Variants in ZNF248 observed in about 807,000 individuals in gnomAD.
ZNF248 encodes the protein zinc finger protein 248.
Under a neutral mutation model 44.3 loss-of-function variants are expected in ZNF248, and 20 were observed. The ratio of observed to expected loss-of-function variants is 0.45; its 90% CI spans 0.32 to 0.66. The LOEUF (loss-of-function observed/expected upper bound fraction) is 0.66. Among genes scored for constraint, ZNF248 ranks in the 30% least tolerant of loss-of-function variants. The probability of loss-of-function intolerance (pLI) is 0.04; values close to 1 mark genes in which losing one functional copy is unlikely to be tolerated. For missense variants in ZNF248, 654 were observed against 677.0 expected (o/e 0.97, Z 0.38); for synonymous variants, 224 against 229.0 (o/e 0.98, Z 0.20).
chr10:37,836,279 G>A (rs2057144148), intron 5 of ZNF248, among the ~76,000 whole-genome samples: 1 of 152,110 alleles, frequency 6.6e-6, no homozygotes. Context: ...ATAGATGTCA[G>A]AGAGATCCTT....
At chr10:37,808,449 A>AT (rs1045609293) in intron 6 of ZNF248, among the ~76,000 whole-genome samples, 14 of 151,456 alleles carry the variant, frequency 9.2e-5, no homozygotes, top group African/African-American at 1.9e-4. Context: ...CACCTGGTTG[A>AT]TTTTTTTTAA....
chr10:37,840,760 C>G (rs1047557325), intron 3 of ZNF248, among the ~76,000 whole-genome samples: 8 of 151,894 alleles, frequency 5.3e-5, no homozygotes, highest in African/African-American at 9.7e-5. Flanking sequence ...CCAGCCTGGA[C>G]AAGAGTGAGA....
intron 6 of ZNF248, chr10:37,794,183 T>C (rs1168384131): frequency 2.0e-5 from 3 of 152,264 alleles, no homozygotes; most frequent in East Asian, 3.8e-4. Flanking sequence ...TTTTCCGCTA[T>C]GTGTGCTATC....
the ZNF248 span, among the ~76,000 whole-genome samples, chr10:37,765,028 T>C: frequency 1.3e-5 from 2 of 152,148 alleles, no homozygotes; most frequent in Non-Finnish European, 2.9e-5. Flanking sequence ...TGATGCAATC[T>C]TGGCTCACCG....
the ZNF248 span, among the ~76,000 whole-genome samples, chr10:37,762,388 T>C: frequency 6.6e-6 from 1 of 152,176 alleles, no homozygotes; most frequent in Admixed American, 6.5e-5. Context: ...AGAACTTATG[T>C]TCAAGAATTT....
chr10:37,766,777 T>C, the ZNF248 span, among the ~76,000 whole-genome samples: 1 of 152,174 alleles, frequency 6.6e-6, no homozygotes, highest in African/African-American at 2.4e-5. Context: ...GGATGGAGAA[T>C]GACTTTGACG....
chr10:37,788,938 G>A (rs376778638), intron 6 of ZNF248, among the ~76,000 whole-genome samples: 5 of 151,498 alleles, frequency 3.3e-5, no homozygotes, highest in East Asian at 1.9e-4. Flanking sequence ...GTGGCACAAC[G>A]TTGGCTCACT....
At chr10:37,842,948 G>A (rs913088831) in intron 3 of ZNF248, among the ~76,000 whole-genome samples, 1 of 152,132 alleles carries the variant, frequency 6.6e-6, no homozygotes. Flanking sequence ...ATCAGGACAC[G>A]AAGGCTAAAG....
chr10:37,856,208 C>A, intron 3 of ZNF248, 88 bp downstream of exon 3: 6 of 1,470,094 alleles, frequency 4.1e-6, no homozygotes, highest in Non-Finnish European at 5.6e-6. Context: ...TTGCCTATTT[C>A]TATTTTTCCA....
downstream of ZNF248, among the ~76,000 whole-genome samples, chr10:37,828,407 T>C (rs968512614): frequency 6.6e-6 from 1 of 152,204 alleles, no homozygotes; most frequent in African/African-American, 2.4e-5. Flanking sequence ...TGACTTTCAA[T>C]AGATTACAGA....
chr10:37,821,294 AGTAG>A (rs1407659174), intron 6 of ZNF248, among the ~76,000 whole-genome samples: 1 of 152,196 alleles, frequency 6.6e-6, no homozygotes, highest in Admixed American at 6.5e-5. Context: ...AACCCCACAA[AGTAG>A]GTACTACTGC....
At chr10:37,768,202 C>A in the ZNF248 span, among the ~76,000 whole-genome samples, 3 of 152,162 alleles carry the variant, frequency 2.0e-5, no homozygotes, top group Non-Finnish European at 4.4e-5. Context: ...CCACTGACAA[C>A]ATTAGATAGA....
chr10:37,800,192 G>A (rs1161876127), intron 6 of ZNF248, among the ~76,000 whole-genome samples: 1 of 152,072 alleles, frequency 6.6e-6, no homozygotes, highest in Admixed American at 6.6e-5. Flanking sequence ...ATGAAGATTT[G>A]GTTTACAGAT....
chr10:37,778,387 GT>G (rs2046860211), intron 6 of ZNF248, among the ~76,000 whole-genome samples: 1 of 151,442 alleles, frequency 6.6e-6, no homozygotes, highest in South Asian at 2.1e-4. Flanking sequence ...AGGGTTGTTT[GT>G]TTTTTTCTTG....
intron 6 of ZNF248, among the ~76,000 whole-genome samples, chr10:37,780,344 CCCTCAGAAATAACG>C (rs1461993064): frequency 1.3e-5 from 2 of 151,998 alleles, no homozygotes; most frequent in Non-Finnish European, 2.9e-5. Flanking sequence ...CAGAACAGAG[CCCTCAGAAATAACG>C]CCACATATCT....
intron 5 of ZNF248, 101 bp downstream of exon 5, chr10:37,837,516 A>G: frequency 1.0e-6 from 1 of 956,076 alleles, no homozygotes; most frequent in Non-Finnish European, 1.6e-6. Context: ...GGGGCTAAAA[A>G]GAGACATTTG....
chr10:37,818,794 A>G, intron 6 of ZNF248: 1 of 820,962 alleles, frequency 1.2e-6, no homozygotes, highest in Non-Finnish European at 2.0e-6. Context: ...TTCAGGTGTT[A>G]CTACTCATTT....
chr10:37,787,093 C>A (rs1215112328), intron 6 of ZNF248, among the ~76,000 whole-genome samples: 1 of 152,060 alleles, frequency 6.6e-6, no homozygotes, highest in East Asian at 1.9e-4. Context: ...TCCTGACTAA[C>A]ATGGTGAAAC....
Position 37,832,734 on chromosome 10 carries a change from C to A in ZNF248, c.621G>T (p.Gln207His). 1 of 1,613,630 alleles carries A rather than the reference C, an allele frequency of 6.2e-7. No homozygotes were observed. Among genetic ancestry groups the A allele is most frequent in the Non-Finnish European group, 8.5e-7 (1 of 1,179,864 alleles). The change falls in exon 6 of 6, where the codon CAG (glutamine) becomes CAT (histidine). Residue 207 changes from glutamine to histidine, a missense_variant. Transcript: ENST00000395867. Reference protein sequence around the residue: ...NAINYHQDLSQPSFGQSFEYS... With the variant: ...NAINYHQDLSHPSFGQSFEYS... ...ACTCAAAAGATTGGCCAAAACTTGGCTGACTGAGATCCTGGTGATAATTAA... is the reference window on the plus strand; with the variant it reads ...ACTCAAAAGATTGGCCAAAACTTGGATGACTGAGATCCTGGTGATAATTAA...
Sources: gnomAD v4.1 joint callset for allele counts (sites outside exome capture counted in the v4.1 genomes callset) on GRCh38, gnomAD v4.1.1 for gene constraint, MANE v1.5 for transcripts, NCBI Gene and HGNC (gene_info 2026-07-23, HGNC 2026-07-21) for gene names.